Variants in LUZP2 observed in about 807,000 individuals in gnomAD.
The protein encoded by LUZP2 is leucine zipper protein 2.
A neutral mutation model predicts 51.6 loss-of-function variants in LUZP2; 52 were observed. The observed-to-expected ratio is 1.01, with a 90% CI of 0.81 to 1.27. The LOEUF is 1.27. LUZP2 is among the 50% of genes most tolerant of loss of function. The pLI, the probability that LUZP2 is intolerant of heterozygous loss-of-function variation, is 0.00. For missense variants in LUZP2, 436 were observed against 395.4 expected (o/e 1.10, Z -0.87); for synonymous variants, 154 against 137.3 (o/e 1.12, Z -0.85).
intron 1 of LUZP2, among the ~76,000 whole-genome samples, chr11:24,601,888 G>A (rs10632626): frequency 9.6e-6 from 1 of 104,248 alleles, no homozygotes; most frequent in South Asian, 2.8e-4. Context: ...ATGTATATAT[G>A]TATATATGTA....
At chr11:24,738,841 C>T (rs895661039) in intron 4 of LUZP2, among the ~76,000 whole-genome samples, 1 of 151,988 alleles carries the variant, frequency 6.6e-6, no homozygotes, top group Non-Finnish European at 1.5e-5. Context: ...TTGACCCCAC[C>T]GTTTCAGCTC....
chr11:24,709,984 A>G (rs890468917), intron 1 of LUZP2, among the ~76,000 whole-genome samples: 1 of 152,166 alleles, frequency 6.6e-6, no homozygotes, highest in African/African-American at 2.4e-5. Flanking sequence ...TCCTCCTGTT[A>G]TATGCTCCCA....
intron 1 of LUZP2, among the ~76,000 whole-genome samples, chr11:24,708,667 C>G (rs892944661): frequency 6.6e-6 from 1 of 152,132 alleles, no homozygotes. Flanking sequence ...TCTTCACCCC[C>G]ACAAGAGATT....
chr11:24,673,935 G>T (rs1403840546), intron 1 of LUZP2, among the ~76,000 whole-genome samples: 1 of 152,186 alleles, frequency 6.6e-6, no homozygotes, highest in East Asian at 1.9e-4. Context: ...CATCAACATT[G>T]CCATTGAACT....
At chr11:24,947,262 G>A (rs1854925840) in intron 7 of LUZP2, among the ~76,000 whole-genome samples, 1 of 151,996 alleles carries the variant, frequency 6.6e-6, no homozygotes, top group Admixed American at 6.6e-5. Flanking sequence ...CTAAGTGGAA[G>A]TGGATCATCA....
At chr11:24,507,488 T>C (rs1850177986) in intron 1 of LUZP2, among the ~76,000 whole-genome samples, 1 of 152,098 alleles carries the variant, frequency 6.6e-6, no homozygotes, top group Non-Finnish European at 1.5e-5. Flanking sequence ...TCACATAGCT[T>C]TCTTTAAAGG....
intron 5 of LUZP2, chr11:24,892,198 A>T (rs1043533897): frequency 7.5e-5 from 74 of 985,268 alleles, no homozygotes; most frequent in Non-Finnish European, 8.6e-5. Context: ...TGTGGTTGTG[A>T]TCTGTGAGGA....
intron 4 of LUZP2, among the ~76,000 whole-genome samples, chr11:24,741,937 A>AATATATACATTTATATATTATATAT (rs1565110951): frequency 8.0e-3 from 104 of 13,016 alleles, no homozygotes; most frequent in South Asian, 0.018. Context: ...TATTATATAT[A>AATATATACATTTATATATTATATAT]AATATATACA....
intron 7 of LUZP2, among the ~76,000 whole-genome samples, chr11:24,948,896 G>A (rs1565147293): frequency 6.6e-6 from 1 of 151,054 alleles, no homozygotes; most frequent in African/African-American, 2.4e-5. Flanking sequence ...GATATACTTA[G>A]ATAGATAGAT....
chr11:24,587,218 A>T (rs1253272845), intron 1 of LUZP2, among the ~76,000 whole-genome samples: 2 of 152,176 alleles, frequency 1.3e-5, no homozygotes, highest in Non-Finnish European at 2.9e-5. Context: ...TGTCGTTAAC[A>T]GTATACACAA....
intron 5 of LUZP2, among the ~76,000 whole-genome samples, chr11:24,776,360 A>C (rs1203267556): frequency 6.6e-6 from 1 of 152,200 alleles, no homozygotes; most frequent in Admixed American, 6.5e-5. Flanking sequence ...CACCATGGTC[A>C]GGGAAATGGG....
intron 5 of LUZP2, among the ~76,000 whole-genome samples, chr11:24,801,590 C>T (rs1393187994): frequency 6.6e-6 from 1 of 151,726 alleles, no homozygotes; most frequent in Non-Finnish European, 1.5e-5. Flanking sequence ...AAATTCTTAT[C>T]ACAACTCCAT....
chr11:24,515,922 TC>T (rs1850449490), intron 1 of LUZP2, among the ~76,000 whole-genome samples: 1 of 152,152 alleles, frequency 6.6e-6, no homozygotes, highest in African/African-American at 2.4e-5. Flanking sequence ...ATGTTTTTTT[TC>T]TTTCTTATGA....
intron 5 of LUZP2, among the ~76,000 whole-genome samples, chr11:24,804,346 C>T (rs543684234): frequency 2.6e-5 from 4 of 152,180 alleles, no homozygotes; most frequent in African/African-American, 7.2e-5. Flanking sequence ...GGGGAGAAAA[C>T]GTATCATCTT....
rs1321508519 is a variant in LUZP2 at position 24,914,473 on chromosome 11, C to T, written c.460-3C>T. The T allele has an allele frequency of 1.2e-6, 2 of 1,600,688 alleles. No homozygotes were observed. Among genetic ancestry groups the T allele is most frequent in the Non-Finnish European group, 1.7e-6 (2 of 1,172,890 alleles). The stretch of plus-strand genomic sequence containing the variant: ...ACAACTTATCCATGTTTTTGCCTTA[C>T]AGTCAAAAAAAATCCAAGCCCAGCT... On this transcript the variant is annotated splice_region_variant and splice_polypyrimidine_tract_variant and intron_variant, in intron 6 of 11. Coordinates refer to ENST00000336930, the MANE Select transcript of LUZP2 (RefSeq NM_001009909.4).
At chr11:24,922,025 G>A (rs968435818) in intron 7 of LUZP2, among the ~76,000 whole-genome samples, 1 of 152,118 alleles carries the variant, frequency 6.6e-6, no homozygotes, top group African/African-American at 2.4e-5. Flanking sequence ...TTTACTAGCA[G>A]AGTGAAGCTA....
chr11:24,713,683 G>GTTTTTTT (rs374748977), intron 1 of LUZP2, among the ~76,000 whole-genome samples: 8 of 89,694 alleles, frequency 8.9e-5, no homozygotes, highest in Admixed American at 1.6e-4. Context: ...GTGAGAATCT[G>GTTTTTTT]TTTTTTTTTT....
intron 1 of LUZP2, among the ~76,000 whole-genome samples, chr11:24,672,931 T>A (rs1856443946): frequency 6.6e-6 from 1 of 152,138 alleles, no homozygotes; most frequent in African/African-American, 2.4e-5. Flanking sequence ...GAGCTCTGTC[T>A]CCCGTCAAAT....
chr11:25,006,000 T>G (rs1462619044), intron 9 of LUZP2, among the ~76,000 whole-genome samples: 1 of 152,158 alleles, frequency 6.6e-6, no homozygotes, highest in Non-Finnish European at 1.5e-5. Flanking sequence ...GGAAGATTGA[T>G]GCCTTATGTC....
Sources: gnomAD v4.1 joint callset for allele counts (sites outside exome capture counted in the v4.1 genomes callset) on GRCh38, gnomAD v4.1.1 for gene constraint, MANE v1.5 for transcripts, NCBI Gene and HGNC (gene_info 2026-07-23, HGNC 2026-07-21) for gene names.